Variants in MARCHF1 observed in about 807,000 individuals in gnomAD.
MARCHF1 encodes the protein E3 ubiquitin-protein ligase MARCHF1.
MARCHF1 carries 40 observed loss-of-function variants against 54.2 expected under a neutral mutation model. That is an observed-to-expected ratio of 0.74 (90% confidence interval 0.57 to 0.96). The LOEUF is 0.96. MARCHF1 is among the 40% of genes least tolerant of loss of function. The probability of loss-of-function intolerance (pLI) is 0.00; values close to 1 mark genes in which losing one functional copy is unlikely to be tolerated. For synonymous variants in MARCHF1, 236 were observed against 236.3 expected (o/e 1.00, Z 0.01); for missense variants, 586 against 656.5 (o/e 0.89, Z 1.17).
At chr4:163,838,788 A>T (rs1483213248) in intron 4 of MARCHF1, among the ~76,000 whole-genome samples, 1 of 152,044 alleles carries the variant, frequency 6.6e-6, no homozygotes, top group East Asian at 1.9e-4. Context: ...GAGAGCTGAC[A>T]CTACAAAACT....
intron 5 of MARCHF1, among the ~76,000 whole-genome samples, chr4:163,653,372 T>G (rs1301622573): frequency 6.6e-6 from 1 of 151,780 alleles, no homozygotes; most frequent in Non-Finnish European, 1.5e-5. Flanking sequence ...TTCCTGAGTT[T>G]GATGGAAACC....
intron 8 of MARCHF1, among the ~76,000 whole-genome samples, chr4:163,552,287 A>G (rs1210716951): frequency 6.6e-6 from 1 of 152,204 alleles, no homozygotes; most frequent in South Asian, 2.1e-4. Context: ...GGAATGGGCC[A>G]TGTGTCCAGA....
chr4:163,610,799 T>G (rs1271369568), intron 7 of MARCHF1, among the ~76,000 whole-genome samples: 1 of 152,096 alleles, frequency 6.6e-6, no homozygotes, highest in Non-Finnish European at 1.5e-5. Context: ...TCGAGCCCTC[T>G]CCACTTCTCC....
rs376822975 is a variant in MARCHF1, at chr4:164,130,339, T to A, written c.-322-18677A>T. On this transcript the variant is annotated intron_variant, in intron 1 of 9. Coordinates refer to ENST00000514618, the MANE Select transcript of MARCHF1 (RefSeq NM_001394959.1). ...TGTGTATTAAAAGGTATAAAAGCAA[T>A]TTTAAATTCAGATACTGAATGTTAT... 3.6e-3 allele frequency among the ~76,000 whole-genome samples: 545 copies of A among 152,250 alleles called. 5 individuals carry two copies. Among genetic ancestry groups the A allele is most frequent in the African/African-American group, 0.012 (512 of 41,564 alleles).
intron 2 of MARCHF1, among the ~76,000 whole-genome samples, chr4:164,076,232 A>C (rs1042810274): frequency 6.6e-6 from 1 of 152,216 alleles, no homozygotes; most frequent in African/African-American, 2.4e-5. Context: ...AATAAGGAAC[A>C]ATGAACAAAA....
chr4:163,527,041 G>A lies in MARCHF1; in HGVS notation c.*1707C>T, dbSNP rs1315670149. The A allele has an allele frequency of 6.6e-6, 1 of 151,478 alleles. No individual in the cohort carries two copies. The highest frequency in any genetic ancestry group is 1.5e-5 in the Non-Finnish European group (1 of 67,848). The allele number at this position is 151,478 out of a possible 1,614,324, so 9.4% of individuals were successfully genotyped here. A position where few individuals can be genotyped will look rare whatever the true frequency, so the allele number is the denominator to read the frequency against. On this transcript the variant is annotated 3_prime_UTR_variant, in exon 10 of 10. Transcript: ENST00000514618. Reference sequence around the variant, plus strand: ...GTGCATCCATGTGATACCCAGATTTGTGCAGTGTGATACTCATGCTTTGGT... The same window carrying A: ...GTGCATCCATGTGATACCCAGATTTATGCAGTGTGATACTCATGCTTTGGT...
chr4:163,746,566 A>C (rs1746368035), intron 4 of MARCHF1, among the ~76,000 whole-genome samples: 1 of 152,168 alleles, frequency 6.6e-6, no homozygotes, highest in Non-Finnish European at 1.5e-5. Flanking sequence ...AGTTATATTT[A>C]GTTTTGTAAC....
intron 1 of MARCHF1, among the ~76,000 whole-genome samples, chr4:164,235,974 C>T (rs1171791918): frequency 5.9e-5 from 9 of 152,142 alleles, no homozygotes; most frequent in East Asian, 5.8e-4. Context: ...AAGGAGAGGC[C>T]GCATTGCTTA....
chr4:163,642,962 T>C (rs1442416299), intron 5 of MARCHF1, among the ~76,000 whole-genome samples: 2 of 151,056 alleles, frequency 1.3e-5, no homozygotes, highest in African/African-American at 4.9e-5. Flanking sequence ...CATATACATA[T>C]GTGTATGTGT....
intron 3 of MARCHF1, among the ~76,000 whole-genome samples, chr4:163,888,889 C>A (rs1259910807): frequency 6.6e-6 from 1 of 152,048 alleles, no homozygotes; most frequent in Non-Finnish European, 1.5e-5. Flanking sequence ...TACACTAGTG[C>A]CAGATACTTT....
chr4:163,756,626 T>C (rs1466787957), intron 4 of MARCHF1, among the ~76,000 whole-genome samples: 2 of 79,676 alleles, frequency 2.5e-5, no homozygotes, highest in Non-Finnish European at 4.6e-5. Context: ...AGCGAGACTC[T>C]GTCTCAAAAA....
At chr4:163,609,561 T>A (rs773689593) in intron 7 of MARCHF1, among the ~76,000 whole-genome samples, 5 of 151,938 alleles carry the variant, frequency 3.3e-5, no homozygotes, top group Non-Finnish European at 5.9e-5. Flanking sequence ...GTGACTACAC[T>A]GTGTATGTGA....
At chr4:163,890,155 CG>C (rs1429687514) in intron 3 of MARCHF1, among the ~76,000 whole-genome samples, 1 of 149,986 alleles carries the variant, frequency 6.7e-6, no homozygotes, top group Non-Finnish European at 1.5e-5. Flanking sequence ...AGGATGGTCT[CG>C]ATCTCCTGAC....
intron 3 of MARCHF1, among the ~76,000 whole-genome samples, chr4:163,963,519 G>C (rs1176842828): frequency 6.6e-6 from 1 of 151,870 alleles, no homozygotes; most frequent in African/African-American, 2.4e-5. Flanking sequence ...AGATCATTAA[G>C]GCCAAATATA....
At chr4:163,957,720 G>A (rs1461054677) in intron 3 of MARCHF1, among the ~76,000 whole-genome samples, 1 of 151,912 alleles carries the variant, frequency 6.6e-6, no homozygotes, top group Non-Finnish European at 1.5e-5. Context: ...TTAAGTCATT[G>A]TTGACAATTT....
intron 3 of MARCHF1, among the ~76,000 whole-genome samples, chr4:163,922,556 G>A (rs1751455016): frequency 6.6e-6 from 1 of 152,128 alleles, no homozygotes; most frequent in Non-Finnish European, 1.5e-5. Flanking sequence ...TCATCCATCT[G>A]TTACTCACAT....
At chr4:163,584,094 G>T (rs1332054711) in intron 8 of MARCHF1, 2 of 150,630 alleles carry the variant, frequency 1.3e-5, no homozygotes, top group Admixed American at 6.7e-5. Context: ...AAGGATGAAA[G>T]TTGTATTGAC....
intron 4 of MARCHF1, among the ~76,000 whole-genome samples, chr4:163,830,663 C>T (rs1161390040): frequency 2.0e-5 from 3 of 152,042 alleles, no homozygotes; most frequent in Admixed American, 2.0e-4. Flanking sequence ...TCTGTAATCC[C>T]AGCACTTTGA....
intron 1 of MARCHF1, among the ~76,000 whole-genome samples, chr4:164,381,187 C>G (rs751812768): frequency 1.3e-5 from 2 of 152,196 alleles, no homozygotes; most frequent in African/African-American, 4.8e-5. Context: ...AATGCAACTT[C>G]CTCCTTTTTC....
Sources: allele counts gnomAD v4.1 joint callset (sites outside exome capture counted in the v4.1 genomes callset), GRCh38; gene constraint gnomAD v4.1.1; transcripts MANE v1.5; gene names NCBI Gene and HGNC (gene_info 2026-07-23, HGNC 2026-07-21).